Variants in GSE1 observed in about 807,000 individuals in gnomAD.
GSE1 encodes the protein Gse1 coiled-coil protein, also known as genetic suppressor element 1.
GSE1 carries 32 observed loss-of-function variants against 112.6 expected under a neutral mutation model. That is an observed-to-expected ratio of 0.28 (90% CI 0.21 to 0.38). GSE1 has a LOEUF of 0.38. Among genes scored for constraint, GSE1 ranks in the 10% least tolerant of loss-of-function variants. The pLI is 1.00. For missense variants in GSE1, 2,348 were observed against 1,699.2 expected (o/e 1.38, Z -6.71); for synonymous variants, 1,115 against 735.6 (o/e 1.52, Z -8.35).
chr16:85,654,580 C>T (rs368830546), intron 4 of GSE1, 130 bp downstream of exon 4: 5 of 850,730 alleles, frequency 5.9e-6, no homozygotes, highest in Non-Finnish European at 7.4e-6. Context: ...GGCCGCTGAG[C>T]CCTGGGGATT....
intron 1 of GSE1, among the ~76,000 whole-genome samples, chr16:85,356,109 T>C (rs2046946424): frequency 6.6e-6 from 1 of 152,204 alleles, no homozygotes; most frequent in Non-Finnish European, 1.5e-5. Flanking sequence ...ACTGAGTTCA[T>C]CCGTATAGTT....
chr16:85,366,699 CTG>C (rs749821009), intron 2 of GSE1, among the ~76,000 whole-genome samples: 10 of 152,126 alleles, frequency 6.6e-5, no homozygotes, highest in Admixed American at 2.6e-4. Context: ...GCGTGTGACT[CTG>C]TGTGTCTGTC....
upstream of GSE1, among the ~76,000 whole-genome samples, chr16:85,554,441 AG>A (rs1672792756): frequency 6.6e-6 from 1 of 152,174 alleles, no homozygotes; most frequent in Admixed American, 6.5e-5. Context: ...TCCCAGTAAT[AG>A]CATTTATTAG....
intron 2 of GSE1, among the ~76,000 whole-genome samples, chr16:85,407,201 C>G (rs867196140): frequency 0.032 from 132 of 4,108 alleles, no homozygotes; most frequent in Non-Finnish European, 0.069. Flanking sequence ...TACTCTCAGG[C>G]CCCCCTGGAT....
chr16:85,344,026 A>G (rs963891666), intron 1 of GSE1, among the ~76,000 whole-genome samples: 2 of 152,150 alleles, frequency 1.3e-5, no homozygotes, highest in African/African-American at 2.4e-5. Context: ...GGCTCCTTAC[A>G]TAACTCAGAT....
chr16:85,359,794 C>G (rs561424094), intron 2 of GSE1, among the ~76,000 whole-genome samples: 159 of 152,312 alleles, frequency 1.0e-3, no homozygotes, highest in African/African-American at 3.5e-3. Flanking sequence ...GCACACCAGG[C>G]TGCTTCCCTG....
chr16:85,443,974 A>C, intron 2 of GSE1, among the ~76,000 whole-genome samples: 1 of 102,312 alleles, frequency 9.8e-6, no homozygotes, highest in East Asian at 2.8e-4. Context: ...CCGGGAGACA[A>C]GGGGGCGCTT....
intron 2 of GSE1, among the ~76,000 whole-genome samples, chr16:85,521,951 C>G (rs1000978809): frequency 1.3e-5 from 2 of 152,248 alleles, no homozygotes; most frequent in African/African-American, 2.4e-5. Context: ...GGGCCCCGCT[C>G]ACAGAAGCCA....
chr16:85,466,101 G>A (rs187677750), intron 2 of GSE1, among the ~76,000 whole-genome samples: 59 of 152,312 alleles, frequency 3.9e-4, no homozygotes, highest in East Asian at 3.5e-3. Flanking sequence ...GACAGCAGCC[G>A]GCTGTGGGAA....
intron 2 of GSE1, among the ~76,000 whole-genome samples, chr16:85,521,819 G>A (rs1166689443): frequency 1.3e-5 from 2 of 152,250 alleles, no homozygotes; most frequent in Admixed American, 1.3e-4. Context: ...AAAATCCGGA[G>A]CGCGCTGGCG....
At chr16:85,228,482 G>A (rs2075527894) in intron 1 of GSE1, among the ~76,000 whole-genome samples, 1 of 152,210 alleles carries the variant, frequency 6.6e-6, no homozygotes, top group African/African-American at 2.4e-5. Flanking sequence ...CCCCCACCCT[G>A]CTGTGGGAGG....
At chr16:85,199,605 T>C (rs1446315163) in intron 1 of GSE1, among the ~76,000 whole-genome samples, 1 of 152,170 alleles carries the variant, frequency 6.6e-6, no homozygotes, top group African/African-American at 2.4e-5. Flanking sequence ...TTCTGGGTAA[T>C]GCGTAGTTTT....
At chr16:85,651,191 C>T (rs548307038) in intron 3 of GSE1, among the ~76,000 whole-genome samples, 4 of 151,578 alleles carry the variant, frequency 2.6e-5, no homozygotes, top group Non-Finnish European at 5.9e-5. Context: ...GTGGAGACGG[C>T]AGTGAGACCC....
intron 2 of GSE1, among the ~76,000 whole-genome samples, chr16:85,443,720 G>A (rs1448254190): frequency 1.3e-5 from 2 of 152,198 alleles, no homozygotes; most frequent in East Asian, 1.9e-4. Context: ...GAGAGTCCTC[G>A]CACCAGAGGG....
At chr16:85,236,187 C>T (rs1287590230) in intron 1 of GSE1, among the ~76,000 whole-genome samples, 1 of 152,174 alleles carries the variant, frequency 6.6e-6, no homozygotes, top group Non-Finnish European at 1.5e-5. Context: ...GGGCTGGGAC[C>T]GGCTCTTGGG....
intron 1 of GSE1, among the ~76,000 whole-genome samples, chr16:85,325,585 G>A (rs1467539910): frequency 1.6e-4 from 24 of 148,280 alleles, no homozygotes; most frequent in African/African-American, 2.5e-5. Flanking sequence ...TGGAATAGCA[G>A]GGACTACAAG....
At chr16:85,532,714 C>T (rs1449407917) in intron 2 of GSE1, among the ~76,000 whole-genome samples, 1 of 152,254 alleles carries the variant, frequency 6.6e-6, no homozygotes, top group African/African-American at 2.4e-5. Context: ...GCAGGATGGG[C>T]CTGTGGCTCC....
At chr16:85,343,954 C>G (rs992264432) in intron 1 of GSE1, among the ~76,000 whole-genome samples, 3 of 152,160 alleles carry the variant, frequency 2.0e-5, no homozygotes, top group Admixed American at 1.3e-4. Flanking sequence ...GGGCACAGTC[C>G]CGTCTCAGGG....
rs1567692422 is a variant in GSE1 at position 85,331,347 on chromosome 16, G to A, written c.2284-26116G>A. 1.9e-4 allele frequency among the ~76,000 whole-genome samples: 13 copies of A among 70,124 alleles called. No individual in the cohort carries two copies. In the East Asian group the frequency reaches 3.7e-3, roughly 20 times the overall value. 46.0% of individuals were successfully genotyped at this position (70,124 alleles called of 152,430 possible). On this transcript the variant is annotated intron_variant, in intron 1 of 2. Transcript: ENST00000637419. ...TCTGTGTGTGTGTGTGTGTGTGTGT[G>A]TGTGTGTGTGTGTGTGTGTATATAT...
Sources: allele counts gnomAD v4.1 joint callset (sites outside exome capture counted in the v4.1 genomes callset), GRCh38; gene constraint gnomAD v4.1.1; transcripts MANE v1.5; gene names NCBI Gene and HGNC (gene_info 2026-07-23, HGNC 2026-07-21).